The following SEMA3A variants were observed in gnomAD, a reference collection of about 807,000 sequenced individuals.
The protein encoded by SEMA3A is semaphorin-3A.
Under a neutral mutation model 97.9 loss-of-function variants are expected in SEMA3A, and 29 were observed. The ratio of observed to expected loss-of-function variants is 0.30; its 90% CI spans 0.22 to 0.40. The LOEUF (loss-of-function observed/expected upper bound fraction) is 0.40, where lower values mean the gene tolerates loss of function less well. SEMA3A is among the 10% of genes least tolerant of loss of function. The pLI, the probability that SEMA3A is intolerant of heterozygous loss-of-function variation, is 1.00. For synonymous variants in SEMA3A, 321 were observed against 323.7 expected (o/e 0.99, Z 0.09); for missense variants, 763 against 951.3 (o/e 0.80, Z 2.60).
chr7:84,358,219 T>C (rs1237960231), intron 2 of SEMA3A, among the ~76,000 whole-genome samples: 1 of 152,230 alleles, frequency 6.6e-6, no homozygotes, highest in Admixed American at 6.5e-5. Flanking sequence ...CCCATGCCTA[T>C]GTCCTGAACG....
chr7:84,485,953 A>C (rs1163956490), intron 1 of SEMA3A, among the ~76,000 whole-genome samples: 1 of 152,182 alleles, frequency 6.6e-6, no homozygotes, highest in African/African-American at 2.4e-5. Context: ...AAAATTTTTG[A>C]TAAGTGTTTT....
At chr7:84,430,262 T>A (rs1411587943) in intron 1 of SEMA3A, among the ~76,000 whole-genome samples, 1 of 151,942 alleles carries the variant, frequency 6.6e-6, no homozygotes, top group Non-Finnish European at 1.5e-5. Context: ...ATTGAGAGAA[T>A]AATTAAAATG....
At chr7:84,323,650 C>A (rs79643185) in intron 2 of SEMA3A, among the ~76,000 whole-genome samples, 4,968 of 152,048 alleles carry the variant, frequency 0.033, 244 homozygotes, top group East Asian at 0.11. Context: ...CCCCTTCTTA[C>A]AATGAACTAT....
rs370385466 is a variant in SEMA3A at position 84,274,019 on chromosome 7, T to C, written c.-83+33188A>G. ...TATATGGAATGGAAAAGTACATCTA[T>C]ATAAGCTTTATTTTCTTGACATAGA... On this transcript the variant is annotated intron_variant, in intron 3 of 3. Coordinates refer to the SEMA3A transcript ENST00000424555. 5.9e-5 allele frequency among the ~76,000 whole-genome samples: 9 copies of C among 152,190 alleles called. 1 individual carries two copies. The highest frequency in any genetic ancestry group is 1.3e-4 in the Admixed American group (2 of 15,264).
chr7:84,079,058 TAAA>T lies in SEMA3A; in HGVS notation c.454-18503_454-18501del, dbSNP rs540256061. Among the ~76,000 whole-genome samples, 939 of 152,196 alleles carry T rather than the reference TAAA, an allele frequency of 6.2e-3. 12 individuals carry two copies. Among genetic ancestry groups the T allele is most frequent in the African/African-American group, 0.021 (887 of 41,538 alleles). ...ATTTATAAATAATTTCTCTCACTGG[TAAA>T]AAATTTTTGTCTAGAGATCAAGACA... On this transcript the variant is annotated intron_variant, in intron 4 of 16. Transcript: ENST00000265362.
At chr7:84,105,673 G>A (rs3801631) in intron 4 of SEMA3A, among the ~76,000 whole-genome samples, 10,368 of 151,920 alleles carry the variant, frequency 0.068, 423 homozygotes, top group East Asian at 0.21. Flanking sequence ...AGACATCTTC[G>A]AAAATCTGTA....
chr7:84,019,754 T>C (rs570874286), intron 6 of SEMA3A, among the ~76,000 whole-genome samples: 7 of 152,242 alleles, frequency 4.6e-5, no homozygotes, highest in Admixed American at 2.6e-4. Flanking sequence ...TGTATACTTA[T>C]CCTGCGTTGT....
chr7:84,397,032 A>G (rs1225558407), intron 1 of SEMA3A, among the ~76,000 whole-genome samples: 2 of 152,096 alleles, frequency 1.3e-5, no homozygotes, highest in Non-Finnish European at 2.9e-5. Flanking sequence ...TGGCAACATG[A>G]CAATTTATGG....
chr7:84,480,008 A>C (rs1286846755), intron 1 of SEMA3A, among the ~76,000 whole-genome samples: 1 of 152,204 alleles, frequency 6.6e-6, no homozygotes, highest in Non-Finnish European at 1.5e-5. Flanking sequence ...TAAGGGTCTA[A>C]AGTATCCAGC....
Position 83,961,656 on chromosome 7 carries a change from A to G in SEMA3A, c.2031T>C (p.Leu677=). 2 of 1,613,890 alleles carry G rather than the reference A, an allele frequency of 1.2e-6. No individual in the cohort carries two copies. The highest frequency in any genetic ancestry group is 1.7e-6 in the Non-Finnish European group (2 of 1,179,860). The change falls in exon 17 of 17, where the codon CTT becomes CTC. Residue 677 remains leucine, a synonymous_variant. Transcript: ENST00000265362. ...VIDTEHLEEL[L]HKDDDGDGSK... ...AGCCATCTCCATCATCATCTTTATG[A>G]AGAAGTTCTTCCAAATGCTCTGTGT...
chr7:84,349,769 C>A (rs1802390343), intron 2 of SEMA3A, among the ~76,000 whole-genome samples: 1 of 152,122 alleles, frequency 6.6e-6, no homozygotes, highest in Non-Finnish European at 1.5e-5. Flanking sequence ...GAGTGTTAAA[C>A]CTTATTGTTA....
At chr7:84,415,027 T>C (rs189059635) in intron 1 of SEMA3A, among the ~76,000 whole-genome samples, 11 of 152,196 alleles carry the variant, frequency 7.2e-5, no homozygotes, top group Non-Finnish European at 1.5e-4. Context: ...ACCAGTAAGA[T>C]ATTAACCAAT....
chr7:84,450,680 T>A (rs1805532491), intron 1 of SEMA3A, among the ~76,000 whole-genome samples: 1 of 152,178 alleles, frequency 6.6e-6, no homozygotes, highest in South Asian at 2.1e-4. Context: ...TCTGTCTCAT[T>A]GTACTAGACC....
At chr7:84,274,049 T>G (rs1343696940) in intron 3 of SEMA3A, among the ~76,000 whole-genome samples, 2 of 152,104 alleles carry the variant, frequency 1.3e-5, no homozygotes, top group Non-Finnish European at 2.9e-5. Flanking sequence ...CATAGAATTT[T>G]GGAGTTTCAA....
intron 1 of SEMA3A, among the ~76,000 whole-genome samples, chr7:84,478,927 C>A (rs1806372272): frequency 6.6e-6 from 1 of 151,928 alleles, no homozygotes; most frequent in Non-Finnish European, 1.5e-5. Context: ...TGATTATCAA[C>A]CTTATATAAA....
chr7:84,224,100 C>T (rs1798938041), intron 3 of SEMA3A, among the ~76,000 whole-genome samples: 1 of 151,912 alleles, frequency 6.6e-6, no homozygotes, highest in African/African-American at 2.4e-5. Context: ...AATTTTCTCA[C>T]ACATTTCCCC....
intron 1 of SEMA3A, among the ~76,000 whole-genome samples, chr7:84,414,930 A>T (rs1804391570): frequency 6.6e-6 from 1 of 152,066 alleles, no homozygotes; most frequent in East Asian, 1.9e-4. Flanking sequence ...TTAAAGTTTG[A>T]TTTACAGAAA....
chr7:84,207,573 A>G (rs1186646694), intron 3 of SEMA3A, among the ~76,000 whole-genome samples: 1 of 152,172 alleles, frequency 6.6e-6, no homozygotes, highest in Non-Finnish European at 1.5e-5. Context: ...CTCTTTTGGG[A>G]TGTGTGGAAG....
intron 1 of SEMA3A, among the ~76,000 whole-genome samples, chr7:84,157,839 A>G (rs948485494): frequency 2.6e-5 from 4 of 152,158 alleles, no homozygotes; most frequent in African/African-American, 9.7e-5. Context: ...ACAGCACTCA[A>G]TGTATTCCAC....
Sources: allele counts gnomAD v4.1 joint callset (sites outside exome capture counted in the v4.1 genomes callset), GRCh38; gene constraint gnomAD v4.1.1; transcripts MANE v1.5; gene names NCBI Gene and HGNC (gene_info 2026-07-23, HGNC 2026-07-21).